Variants in PCDHA5 observed in about 807,000 individuals in gnomAD.
The protein encoded by PCDHA5 is protocadherin alpha 5.
A neutral mutation model predicts 61.6 loss-of-function variants in PCDHA5; 43 were observed. That is an observed-to-expected ratio of 0.70 (90% CI 0.55 to 0.90). The LOEUF (loss-of-function observed/expected upper bound fraction) is 0.90. Among genes scored for constraint, PCDHA5 ranks in the 40% least tolerant of loss-of-function variants. The probability of loss-of-function intolerance (pLI) is 0.00; values close to 1 mark genes in which losing one functional copy is unlikely to be tolerated. For synonymous variants in PCDHA5, 627 were observed against 543.9 expected (o/e 1.15, Z -2.13); for missense variants, 1,298 against 1,222.7 (o/e 1.06, Z -0.92).
intron 1 of PCDHA5, chr5:140,825,958 CT>C (rs1175194482): frequency 1.3e-5 from 2 of 152,338 alleles, no homozygotes; most frequent in African/African-American, 2.4e-5. Flanking sequence ...CATTTGTCTA[CT>C]CTTTTGAGGG....
At chr5:140,882,332 G>T (rs782439110) in intron 1 of PCDHA5, 20 of 1,614,060 alleles carry the variant, frequency 1.2e-5, no homozygotes, top group Non-Finnish European at 1.7e-5. Flanking sequence ...TCTGATCCTC[G>T]CAGCCTGGGA....
Position 140,857,497 on chromosome 5 carries a change from G to T in PCDHA5, c.2352+33370G>T, listed in dbSNP as rs1473016176. Reference sequence around the variant, plus strand: ...CGGTGTCTGCGTGGGACGCGGACGCGCAGGAGAACGCCCTGGTGTCCTACT... The same window carrying T: ...CGGTGTCTGCGTGGGACGCGGACGCTCAGGAGAACGCCCTGGTGTCCTACT... On this transcript the variant is annotated intron_variant, in intron 1 of 3. Coordinates refer to ENST00000529859, the MANE Select transcript of PCDHA5 (RefSeq NM_018908.3). 10 of 1,598,150 alleles carry T rather than the reference G, an allele frequency of 6.3e-6. 1 individual carries two copies. The highest frequency in any genetic ancestry group is 5.4e-5 in the African/African-American group (4 of 74,450).
chr5:140,980,890 C>G (rs1554242450), intron 2 of PCDHA5, among the ~76,000 whole-genome samples: 1 of 152,104 alleles, frequency 6.6e-6, no homozygotes, highest in African/African-American at 2.4e-5. Flanking sequence ...TCTTTCCAGT[C>G]TTGGACATCA....
Position 140,822,457 on chromosome 5 carries a change from T to C in PCDHA5, c.682T>C (p.Leu228=). Residue 228 remains leucine (L), a synonymous_variant, in exon 1 of 4, where the codon TTG becomes CTG. Transcript: ENST00000529859. ...KPELTGTVQL[L]INVLDANDNA... is the part of the protein sequence containing the mutation. ...CGAACTAACAGGTACAGTTCAGTTG[T>C]TGATCAATGTATTGGATGCTAATGA... 2 of 1,613,784 alleles carry C rather than the reference T, an allele frequency of 1.2e-6. No homozygotes were observed. Among genetic ancestry groups the C allele is most frequent in the Non-Finnish European group, 8.5e-7 (1 of 1,179,830 alleles).
chr5:140,846,306 A>G (rs1444661370), intron 1 of PCDHA5, among the ~76,000 whole-genome samples: 4 of 147,710 alleles, frequency 2.7e-5, no homozygotes, highest in South Asian at 4.3e-4. Context: ...TAAGTAAACC[A>G]TTTATGTAGA....
chr5:140,871,762 G>A (rs2053295572), intron 1 of PCDHA5, among the ~76,000 whole-genome samples: 1 of 152,200 alleles, frequency 6.6e-6, no homozygotes, highest in South Asian at 2.1e-4. Flanking sequence ...AGATGCAAGA[G>A]TGACTCTTCT....
rs2150351711 is a variant in PCDHA5 at position 140,843,069 on chromosome 5, G to C, written c.2352+18942G>C. On this transcript the variant is annotated intron_variant, in intron 1 of 3. Coordinates refer to ENST00000529859, the MANE Select transcript of PCDHA5 (RefSeq NM_018908.3). ...GGCGCAGCGAGCAAGCTGGTGCCGC[G>C]GTCTGTGGGCGCGGGCCACGTGGTA... The C allele has an allele frequency of 1.6e-5, 26 of 1,595,200 alleles. 3 individuals carry two copies. Among genetic ancestry groups the C allele is most frequent in the Non-Finnish European group, 2.2e-5 (26 of 1,165,304 alleles).
intron 1 of PCDHA5, chr5:140,928,471 G>A: frequency 6.2e-7 from 1 of 1,614,148 alleles, no homozygotes; most frequent in South Asian, 1.1e-5. Context: ...CCAAGTAGAA[G>A]GCCGGGATGG....
intron 1 of PCDHA5, among the ~76,000 whole-genome samples, chr5:140,899,481 G>T (rs2153464125): frequency 6.6e-6 from 1 of 152,230 alleles, no homozygotes; most frequent in East Asian, 1.9e-4. Flanking sequence ...CTGTTTATAT[G>T]CTGGATTACA....
chr5:140,845,861 C>T (rs1050084373), intron 1 of PCDHA5, among the ~76,000 whole-genome samples: 4 of 149,638 alleles, frequency 2.7e-5, no homozygotes, highest in Middle Eastern at 3.5e-3. Context: ...TTAGTGATTG[C>T]AGAAAGGCAA....
At chr5:141,001,220 G>T (rs1554258038) in intron 3 of PCDHA5, among the ~76,000 whole-genome samples, 1 of 152,116 alleles carries the variant, frequency 6.6e-6, no homozygotes, top group African/African-American at 2.4e-5. Flanking sequence ...TATAAGGATA[G>T]TTACATTTAA....
At chr5:140,995,860 A>C (rs1220139939) in intron 3 of PCDHA5, among the ~76,000 whole-genome samples, 1 of 152,220 alleles carries the variant, frequency 6.6e-6, no homozygotes, top group Non-Finnish European at 1.5e-5. Flanking sequence ...CGTATCACTT[A>C]ATAATTGTGC....
intron 1 of PCDHA5, chr5:140,830,128 A>C: frequency 6.2e-7 from 1 of 1,613,412 alleles, no homozygotes; most frequent in Non-Finnish European, 8.5e-7. Context: ...CAAAGGCGTC[A>C]TCACGGGCGT....
intron 1 of PCDHA5, among the ~76,000 whole-genome samples, chr5:140,924,907 A>T (rs538089373): frequency 0.035 from 1,776 of 50,942 alleles, 16 homozygotes; most frequent in Non-Finnish European, 0.042. Context: ...AAAAAAAAAT[A>T]AAATAAAATA....
At chr5:140,992,131 T>C (rs1554252686) in intron 3 of PCDHA5, among the ~76,000 whole-genome samples, 1 of 151,874 alleles carries the variant, frequency 6.6e-6, no homozygotes, top group African/African-American at 2.4e-5. Flanking sequence ...GAACAGTGAC[T>C]GATGATGCTA....
Position 140,856,497 on chromosome 5 carries a change from G to A in PCDHA5, c.2352+32370G>A, listed in dbSNP as rs782069130. 1.1e-5 allele frequency: 17 copies of A among 1,598,346 alleles called. 1 individual carries two copies. Among genetic ancestry groups the A allele is most frequent in the Admixed American group, 5.1e-5 (3 of 59,216 alleles). ...CCTGAATCCAGACTGCTTGACTCTC[G>A]ATTTCCACTAGAAGGCGCATCTGAT... On this transcript the variant is annotated intron_variant, in intron 1 of 3. Transcript: ENST00000529859.
intron 1 of PCDHA5, chr5:140,928,975 T>C (rs2085693610): frequency 1.9e-6 from 3 of 1,613,806 alleles, no homozygotes; most frequent in African/African-American, 1.3e-5. Context: ...TTCCTTTTTA[T>C]TTCTGGGGTG....
At chr5:141,005,696 C>A (rs1269379462) in intron 3 of PCDHA5, among the ~76,000 whole-genome samples, 1 of 105,034 alleles carries the variant, frequency 9.5e-6, no homozygotes, top group African/African-American at 4.2e-5. Flanking sequence ...AGCGAAACTC[C>A]GTCTCAAAAA....
At chr5:140,831,247 T>C (rs752027104) in intron 1 of PCDHA5, 1 of 152,234 alleles carries the variant, frequency 6.6e-6, no homozygotes, top group Admixed American at 6.6e-5. Flanking sequence ...TGCGGCTCTC[T>C]TATTTCTGTT....
Sources: gnomAD v4.1 joint callset for allele counts (sites outside exome capture counted in the v4.1 genomes callset) on GRCh38, gnomAD v4.1.1 for gene constraint, MANE v1.5 for transcripts, NCBI Gene and HGNC (gene_info 2026-07-23, HGNC 2026-07-21) for gene names.